Variants in ANO3 observed in about 807,000 individuals in gnomAD.
ANO3 encodes anoctamin-3.
Under a neutral mutation model 144.8 loss-of-function variants are expected in ANO3, and 99 were observed. The observed-to-expected ratio is 0.68, with a 90% CI of 0.58 to 0.81. ANO3 has a LOEUF of 0.81. Among genes scored for constraint, ANO3 ranks in the 30% least tolerant of loss-of-function variants. The probability of loss-of-function intolerance (pLI) is 0.00; values close to 1 mark genes in which losing one functional copy is unlikely to be tolerated. For synonymous variants in ANO3, 414 were observed against 392.6 expected (o/e 1.05, Z -0.64); for missense variants, 905 against 1,202.2 (o/e 0.75, Z 3.66).
intron 1 of ANO3, among the ~76,000 whole-genome samples, chr11:26,371,108 A>T (rs1386687192): frequency 6.6e-6 from 1 of 152,000 alleles, no homozygotes; most frequent in Non-Finnish European, 1.5e-5. Context: ...AGATAGGAAA[A>T]CTCCTTTAGT....
intron 23 of ANO3, among the ~76,000 whole-genome samples, chr11:26,646,871 T>G (rs2133072578): frequency 6.6e-6 from 1 of 152,242 alleles, no homozygotes; most frequent in South Asian, 2.1e-4. Flanking sequence ...AAATATGATT[T>G]TTATCGGTTT....
intron 1 of ANO3, among the ~76,000 whole-genome samples, chr11:26,426,605 C>A (rs747058865): frequency 2.0e-5 from 3 of 152,142 alleles, no homozygotes; most frequent in African/African-American, 7.2e-5. Context: ...ATGGTTTGCC[C>A]ATACTTCGTA....
chr11:26,418,029 T>G (rs979598781), intron 1 of ANO3, among the ~76,000 whole-genome samples: 1 of 152,034 alleles, frequency 6.6e-6, no homozygotes, highest in Non-Finnish European at 1.5e-5. Flanking sequence ...TAAAATAAAT[T>G]TTCCCATTCT....
chr11:26,445,058 A>T (rs1858654820), intron 3 of ANO3, among the ~76,000 whole-genome samples: 1 of 152,072 alleles, frequency 6.6e-6, no homozygotes. Context: ...TCAGATTTCA[A>T]TTTTTTTGAT....
chr11:26,407,068 G>GTATATATATATA (rs760132418), intron 1 of ANO3, among the ~76,000 whole-genome samples: 2,431 of 95,932 alleles, frequency 0.025, 46 homozygotes, highest in Non-Finnish European at 0.042. Context: ...GTGTGTGTGT[G>GTATATATATATA]TGTGTGTGTA....
chr11:26,643,388 T>C (rs1221190589), intron 23 of ANO3, 54 bp downstream of exon 23: 5 of 1,593,984 alleles, frequency 3.1e-6, no homozygotes, highest in Non-Finnish European at 4.3e-6. Context: ...TAGGTTGCTA[T>C]GGTTTGAGTG....
rs547633506 is a variant in ANO3 at position 26,376,941 on chromosome 11, C to T, written c.46+44620C>T. Among the ~76,000 whole-genome samples the T allele has an allele frequency of 9.9e-5, 15 of 152,178 alleles. No individual in the cohort carries two copies. In the South Asian group the frequency reaches 3.1e-3, roughly 32 times the overall value. On this transcript the variant is annotated intron_variant, in intron 1 of 26. Coordinates refer to ENST00000256737, the MANE Select transcript of ANO3 (RefSeq NM_031418.4). ...GGCTGAGAGAATGGGCTAGAGGAAA[C>T]ATGTTCTGCAGTGAAGGCAAGAGAA...
In ANO3 at chr11:26,341,283, G is replaced by A. The variant is rs932449546; in HGVS notation, c.46+8962G>A. Among the ~76,000 whole-genome samples, 7 of 152,136 alleles carry A rather than the reference G, an allele frequency of 4.6e-5. 1 individual carries two copies. The highest frequency in any genetic ancestry group is 1.7e-4 in the African/African-American group (7 of 41,504). ...TTATATATAGCGAAAATGTGTATTA[G>A]GTTTGTGTTTCCTTATAAATTCACT... On this transcript the variant is annotated intron_variant, in intron 1 of 26. Coordinates refer to ENST00000256737, the MANE Select transcript of ANO3 (RefSeq NM_031418.4).
intron 4 of ANO3, among the ~76,000 whole-genome samples, chr11:26,488,152 G>A (rs1341231099): frequency 6.6e-6 from 1 of 152,104 alleles, no homozygotes; most frequent in African/African-American, 2.4e-5. Context: ...ACAACAGAGT[G>A]AGGCTCCATC....
At chr11:26,370,124 A>AT (rs1856207004) in intron 1 of ANO3, among the ~76,000 whole-genome samples, 1 of 152,176 alleles carries the variant, frequency 6.6e-6, no homozygotes, top group Non-Finnish European at 1.5e-5. Flanking sequence ...CTAGTCTTGA[A>AT]TTGTAGTTCC....
intron 14 of ANO3, among the ~76,000 whole-genome samples, chr11:26,596,617 C>G (rs1385290540): frequency 6.6e-6 from 1 of 152,148 alleles, no homozygotes; most frequent in African/African-American, 2.4e-5. Context: ...TTTGGAGATA[C>G]AACCTGCTCT....
At chr11:26,246,646 G>T (rs1160914477) in intron 1 of ANO3, among the ~76,000 whole-genome samples, 1 of 149,228 alleles carries the variant, frequency 6.7e-6, no homozygotes, top group Non-Finnish European at 1.5e-5. Flanking sequence ...AATTGATATG[G>T]TTTGGCTGTG....
chr11:26,348,208 AAATTCTTTACGAAGT>A (rs1564976381), intron 1 of ANO3, among the ~76,000 whole-genome samples: 85 of 152,334 alleles, frequency 5.6e-4, no homozygotes, highest in African/African-American at 2.0e-3. Context: ...ATTATGCCTT[AAATTCTTTACGAAGT>A]TAGATATGTT....
intron 1 of ANO3, chr11:26,286,263 T>C (rs1853804494): frequency 6.6e-6 from 1 of 152,230 alleles, no homozygotes; most frequent in Non-Finnish European, 1.5e-5. Flanking sequence ...GTATTCAGTA[T>C]ACCTTAACAT....
At chr11:26,602,710 C>T (rs532301880) in intron 17 of ANO3, among the ~76,000 whole-genome samples, 1 of 150,464 alleles carries the variant, frequency 6.6e-6, no homozygotes, top group South Asian at 2.1e-4. Context: ...GTGATCACCC[C>T]ACTGTACTCC....
chr11:26,260,020 C>G (rs942194768), intron 1 of ANO3, among the ~76,000 whole-genome samples: 2 of 150,818 alleles, frequency 1.3e-5, no homozygotes, highest in Non-Finnish European at 2.9e-5. Flanking sequence ...GTCTGATGGC[C>G]ATGAAGGGAT....
At chr11:26,520,775 T>C (rs1862042004) in intron 6 of ANO3, among the ~76,000 whole-genome samples, 1 of 152,180 alleles carries the variant, frequency 6.6e-6, no homozygotes, top group Non-Finnish European at 1.5e-5. Context: ...GATTCTGGCA[T>C]ATTAGCTTTG....
intron 1 of ANO3, among the ~76,000 whole-genome samples, chr11:26,396,486 C>T (rs748045443): frequency 2.9e-4 from 44 of 152,082 alleles, no homozygotes; most frequent in Non-Finnish European, 5.6e-4. Flanking sequence ...TATAAAGACA[C>T]GTGCACACAT....
intron 9 of ANO3, among the ~76,000 whole-genome samples, chr11:26,535,052 A>C (rs925476000): frequency 6.6e-6 from 1 of 152,314 alleles, no homozygotes; most frequent in African/African-American, 2.4e-5. Flanking sequence ...ATATGACATA[A>C]GCCCTATACT....
Sources: allele counts gnomAD v4.1 joint callset (sites outside exome capture counted in the v4.1 genomes callset), GRCh38; gene constraint gnomAD v4.1.1; transcripts MANE v1.5; gene names NCBI Gene and HGNC (gene_info 2026-07-23, HGNC 2026-07-21).